TMEM131: variants seen among roughly 807,000 people sequenced by gnomAD.
The protein encoded by TMEM131 is 2610524E03Rik.
Under a neutral mutation model 211.6 loss-of-function variants are expected in TMEM131, and 66 were observed. The ratio of observed to expected loss-of-function variants is 0.31; its 90% CI spans 0.26 to 0.38. The LOEUF (loss-of-function observed/expected upper bound fraction) is 0.38. TMEM131 is among the 10% of genes least tolerant of loss of function. The pLI is 1.00. For synonymous variants in TMEM131, 844 were observed against 841.3 expected, an observed-to-expected ratio of 1.00 and a Z score of -0.06; for missense variants, 2,036 against 2,299.3, an observed-to-expected ratio of 0.89 and a Z score of 2.34.
At position 97,775,369 on chromosome 2, in the gene TMEM131, G is replaced by A. The variant is rs146817438; in HGVS notation, c.4320+474C>T. 3.3e-5 allele frequency among the ~76,000 whole-genome samples: 5 copies of A among 152,242 alleles called. No homozygotes were observed. The East Asian group carries it at 5.8e-4, about 18-fold the overall frequency. The stretch of plus-strand genomic sequence containing the variant: ...CCTGGGGCCACACTCCCTCCAGGGC[G>A]GTCACCACTCTACTGCTTGGGAGTA... On this transcript the variant is annotated intron_variant, in intron 32 of 40. Coordinates refer to ENST00000186436, the MANE Select transcript of TMEM131 (RefSeq NM_015348.2).
At chr2:97,766,386 T>C in intron 34 of TMEM131, 92 bp downstream of exon 34, 1 of 1,601,108 alleles carries the variant, frequency 6.2e-7, no homozygotes, top group Non-Finnish European at 8.5e-7. Flanking sequence ...TAATAACTAC[T>C]GACTGCTTAC....
chr2:97,770,847 T>TCA (rs1433149378), intron 33 of TMEM131, among the ~76,000 whole-genome samples: 2 of 152,224 alleles, frequency 1.3e-5, no homozygotes, highest in Admixed American at 1.3e-4. Context: ...TCTGTCTACC[T>TCA]CACAAGATTT....
chr2:97,809,608 CTCTAA>C, intron 19 of TMEM131, 75 bp downstream of exon 19: 3 of 912,424 alleles, frequency 3.3e-6, no homozygotes, highest in Non-Finnish European at 5.2e-6. Context: ...ACTGACTTTA[CTCTAA>C]GATTCTAGGA....
At chr2:97,817,927 C>G (rs567361402) in intron 12 of TMEM131, among the ~76,000 whole-genome samples, 1 of 152,312 alleles carries the variant, frequency 6.6e-6, no homozygotes, top group South Asian at 2.1e-4. Flanking sequence ...AAGCCCTGTT[C>G]AGAGGTTCAA....
chr2:97,903,852 G>A (rs934144147), intron 3 of TMEM131, among the ~76,000 whole-genome samples: 4 of 151,940 alleles, frequency 2.6e-5, no homozygotes, highest in Admixed American at 6.6e-5. Flanking sequence ...TAGTAGAGAT[G>A]GGGTTTCACC....
intron 1 of TMEM131, among the ~76,000 whole-genome samples, chr2:97,984,950 G>A (rs1679961053): frequency 6.6e-6 from 1 of 151,858 alleles, no homozygotes; most frequent in African/African-American, 2.4e-5. Context: ...AACAGACATG[G>A]GTATAAATTC....
intron 28 of TMEM131, 95 bp from the exon 29 acceptor site, chr2:97,795,210 A>C: frequency 1.2e-6 from 1 of 860,572 alleles, no homozygotes; most frequent in Non-Finnish European, 1.7e-6. Context: ...GAAATATAAC[A>C]CAGAATTTGC....
intron 1 of TMEM131, among the ~76,000 whole-genome samples, chr2:97,938,317 T>C (rs1467141683): frequency 6.6e-6 from 1 of 151,712 alleles, no homozygotes; most frequent in African/African-American, 2.4e-5. Context: ...AGGCTCAAAA[T>C]AAAGGGGTGG....
intron 2 of TMEM131, among the ~76,000 whole-genome samples, chr2:97,920,077 A>G (rs1170134747): frequency 6.6e-6 from 1 of 152,030 alleles, no homozygotes; most frequent in East Asian, 1.9e-4. Flanking sequence ...GGCCTGGCCA[A>G]CTCTACCCAG....
At chr2:97,819,554 G>A (rs11894895) in intron 11 of TMEM131, among the ~76,000 whole-genome samples, 41,512 of 152,018 alleles carry the variant, frequency 0.27, 6,232 homozygotes, top group Middle Eastern at 0.36. Flanking sequence ...CCCTGGGTTG[G>A]TGCAGGGCCT....
intron 11 of TMEM131, among the ~76,000 whole-genome samples, chr2:97,821,372 A>G (rs1334203967): frequency 6.6e-6 from 1 of 152,210 alleles, no homozygotes; most frequent in Non-Finnish European, 1.5e-5. Flanking sequence ...TGGACCAATC[A>G]GCAGGACGCG....
chr2:97,952,236 G>A (rs1678356118), intron 1 of TMEM131, among the ~76,000 whole-genome samples: 1 of 151,862 alleles, frequency 6.6e-6, no homozygotes, highest in South Asian at 2.1e-4. Context: ...CAAAGCCTCA[G>A]GGACCTCCAG....
intron 28 of TMEM131, 35 bp from the exon 29 acceptor site, chr2:97,795,150 A>T (rs752210372): frequency 6.6e-7 from 1 of 1,524,806 alleles, no homozygotes; most frequent in Non-Finnish European, 9.0e-7. Context: ...GCTAAGTTTT[A>T]AAAATATCTC....
At chr2:97,990,610 A>C (rs1680221851) in intron 1 of TMEM131, among the ~76,000 whole-genome samples, 1 of 152,180 alleles carries the variant, frequency 6.6e-6, no homozygotes, top group Non-Finnish European at 1.5e-5. Flanking sequence ...AAAGTTATAA[A>C]AGTGATGGTT....
chr2:97,957,814 G>T (rs553667221), intron 1 of TMEM131, among the ~76,000 whole-genome samples: 1 of 152,184 alleles, frequency 6.6e-6, no homozygotes, highest in African/African-American at 2.4e-5. Context: ...TAATGTCATA[G>T]TAGGTGCCTT....
At chr2:97,859,207 C>A in intron 5 of TMEM131, 97 bp downstream of exon 5, 1 of 1,304,886 alleles carries the variant, frequency 7.7e-7, no homozygotes, top group Non-Finnish European at 1.0e-6. Flanking sequence ...TTGAAATATT[C>A]AAACCCAATT....
intron 4 of TMEM131, among the ~76,000 whole-genome samples, chr2:97,881,732 G>A (rs1467351469): frequency 1.5e-5 from 2 of 130,634 alleles, no homozygotes; most frequent in South Asian, 6.1e-4. Context: ...AAGGGGGGGG[G>A]GCGGGGGAGG....
intron 4 of TMEM131, among the ~76,000 whole-genome samples, chr2:97,873,095 G>A (rs1301717527): frequency 6.6e-6 from 1 of 152,238 alleles, no homozygotes; most frequent in East Asian, 1.9e-4. Flanking sequence ...GCTTGAGTAG[G>A]TGGTTTTACA....
intron 4 of TMEM131, among the ~76,000 whole-genome samples, chr2:97,882,769 T>C (rs1321834282): frequency 1.3e-5 from 2 of 152,214 alleles, no homozygotes; most frequent in Admixed American, 1.3e-4. Flanking sequence ...CTGCCTCTGA[T>C]TGAACCCTTA....
Sources: gnomAD v4.1 joint callset for allele counts (sites outside exome capture counted in the v4.1 genomes callset) on GRCh38, gnomAD v4.1.1 for gene constraint, MANE v1.5 for transcripts, NCBI Gene and HGNC (gene_info 2026-07-23, HGNC 2026-07-21) for gene names.